Variants in NFKBIA observed in about 807,000 individuals in gnomAD.
NFKBIA encodes NF-kappa-B inhibitor alpha.
NFKBIA carries 10 observed loss-of-function variants against 36.3 expected under a neutral mutation model. The ratio of observed to expected loss-of-function variants is 0.28; its 90% CI spans 0.17 to 0.47. The LOEUF is 0.47. Among genes scored for constraint, NFKBIA ranks in the 20% least tolerant of loss-of-function variants. The pLI is 0.99. For synonymous variants in NFKBIA, 205 were observed against 164.4 expected (o/e 1.25, Z -1.89); for missense variants, 355 against 399.3 (o/e 0.89, Z 0.94).
intron 1 of NFKBIA, 68 bp downstream of exon 1, chr14:35,404,350 C>T: frequency 8.4e-7 from 1 of 1,188,282 alleles, no homozygotes; most frequent in Non-Finnish European, 1.1e-6. Context: ...GGCCCGGCGC[C>T]TCCCACCCCC....
Position 35,403,377 on chromosome 14 carries a change from G to A in NFKBIA, c.337-17C>T. 6.2e-7 allele frequency: 1 copy of A among 1,613,464 alleles called. No homozygotes were observed. Among genetic ancestry groups the A allele is most frequent in the African/African-American group, 1.3e-5 (1 of 75,004 alleles). On this transcript the variant is annotated splice_polypyrimidine_tract_variant and intron_variant, in intron 2 of 5. Transcript: ENST00000216797. ...GAGTGGAGTCTACGAATGCAAGAGA[G>A]ACCAGAGAAAGTAAGCCATGGACCA...
At chr14:35,404,273 G>T in intron 1 of NFKBIA, 145 bp downstream of exon 1, 1 of 482,772 alleles carries the variant, frequency 2.1e-6, no homozygotes, top group Non-Finnish European at 3.2e-6. Flanking sequence ...GTTCGGGGCG[G>T]TGCAGGAGCC....
intron 2 of NFKBIA, 105 bp from the exon 3 acceptor site, chr14:35,403,465 G>T: frequency 7.9e-7 from 1 of 1,273,058 alleles, no homozygotes; most frequent in Non-Finnish European, 1.1e-6. Flanking sequence ...CTCCTAGACA[G>T]GGGGGTGGGG....
Position 35,403,783 on chromosome 14 carries a change from G to A in NFKBIA, c.243C>T (p.Ala81=), listed in dbSNP as rs2233412. 2,669 of 1,613,646 alleles carry A rather than the reference G, an allele frequency of 1.7e-3. 35 individuals are homozygous for A. The African/African-American group carries it at 0.029, about 17-fold the overall frequency. Residue 81 remains alanine (A), a synonymous_variant, in exon 2 of 6, where the codon GCC becomes GCT. Coordinates refer to ENST00000216797, the MANE Select transcript of NFKBIA (RefSeq NM_020529.3). ...TEDGDSFLHL[A]IIHEEKALTM... ...TCAGTGCCTTTTCTTCATGGATGATGGCCAAGTGCAGGAACCTGTGGGGAA... is the reference window on the plus strand; with the variant it reads ...TCAGTGCCTTTTCTTCATGGATGATAGCCAAGTGCAGGAACCTGTGGGGAA...
At chr14:35,402,998 C>A in intron 3 of NFKBIA, 139 bp from the exon 4 acceptor site, 1 of 1,216,616 alleles carries the variant, frequency 8.2e-7, no homozygotes, top group South Asian at 1.3e-5. Flanking sequence ...TTTATAAAGG[C>A]ATCCAATAGG....
At chr14:35,402,284 G>C (rs1594426173) in intron 5 of NFKBIA, 110 bp downstream of exon 5, 2 of 1,382,000 alleles carry the variant, frequency 1.4e-6, no homozygotes, top group Non-Finnish European at 2.1e-6. Flanking sequence ...AGAAATTTGA[G>C]AGACTCATTA....
At chr14:35,402,906 AC>A in intron 3 of NFKBIA, 47 bp from the exon 4 acceptor site, 1 of 1,531,300 alleles carries the variant, frequency 6.5e-7, no homozygotes, top group Non-Finnish European at 9.0e-7. Context: ...TTCAACCCTC[AC>A]TCCTTTCACC....
intron 2 of NFKBIA, 26 bp downstream of exon 2, chr14:35,403,664 G>C (rs766136228): frequency 1.5e-5 from 23 of 1,552,016 alleles, no homozygotes; most frequent in Non-Finnish European, 2.0e-5. Context: ...GGGTCAGAGA[G>C]AACCCGGGCC....
At position 35,404,696 on chromosome 14, in the gene NFKBIA, G is replaced by A. The variant is rs2138834612; in HGVS notation, c.-52C>T. On this transcript the variant is annotated 5_prime_UTR_variant, in exon 1 of 6. Coordinates refer to ENST00000216797, the MANE Select transcript of NFKBIA (RefSeq NM_020529.3). The stretch of plus-strand genomic sequence containing the variant: ...GCGGGTGCGCTGGGCCGCGGGCTGC[G>A]CGCTGCTTCCTCGCTGGGGCGCTGG... 1.6e-6 allele frequency: 2 copies of A among 1,274,152 alleles called. No homozygotes were observed. The highest frequency in any genetic ancestry group is 2.0e-6 in the Non-Finnish European group (2 of 991,218). 78.9% of individuals were successfully genotyped at this position (1,274,152 alleles called of 1,614,324 possible). A position where few individuals can be genotyped will look rare whatever the true frequency, so the allele number is the denominator to read the frequency against.
intron 2 of NFKBIA, 117 bp from the exon 3 acceptor site, chr14:35,403,477 G>T: frequency 8.5e-7 from 1 of 1,171,636 alleles, no homozygotes; most frequent in Non-Finnish European, 1.3e-6. Context: ...GGGGTGGGGA[G>T]GGCTGGCAAA....
chr14:35,402,502 C>T lies in NFKBIA; in HGVS notation c.798G>A (p.Gln266=), dbSNP rs2138830537. Residue 266 remains glutamine, a synonymous_variant, in exon 5 of 6, where the codon CAG becomes CAA. Transcript: ENST00000216797. ...CTAGTGTCAGCTGGCCCAGCTGCTG[C>T]TGTATCCGGGTGCTTGGGCGGCCCC... The part of the protein sequence containing the change: ...LTWGRPSTRI[Q]QQLGQLTLEN... 1.2e-6 allele frequency: 2 copies of T among 1,614,216 alleles called. No homozygotes were observed. Among genetic ancestry groups the T allele is most frequent in the African/African-American group, 2.7e-5 (2 of 75,056 alleles).
chr14:35,402,288 C>G (rs1262379836), intron 5 of NFKBIA, 106 bp downstream of exon 5: 1 of 1,393,624 alleles, frequency 7.2e-7, no homozygotes, highest in Non-Finnish European at 1.0e-6. Flanking sequence ...ATTTGAGAGA[C>G]TCATTATGTA....
chr14:35,403,420 C>T, intron 2 of NFKBIA, 60 bp from the exon 3 acceptor site: 1 of 1,571,290 alleles, frequency 6.4e-7, no homozygotes, highest in South Asian at 1.1e-5. Flanking sequence ...ACCCCGAGTT[C>T]CCCTCAACCC....
rs1043899744 is a variant in NFKBIA at position 35,404,723 on chromosome 14, G to A, written c.-79C>T. 11 of 1,049,248 alleles carry A rather than the reference G, an allele frequency of 1.0e-5. No homozygotes were observed. The highest frequency in any genetic ancestry group is 1.1e-5 in the Non-Finnish European group (9 of 799,350). The allele number at this position is 1,049,248 out of a possible 1,614,324, so 65.0% of individuals were successfully genotyped here. A position where few individuals can be genotyped will look rare whatever the true frequency, so the allele number is the denominator to read the frequency against. ...GCTGCTTCCTCGCTGGGGCGCTGGC[G>A]GGCGGGACGGCGGCACGGACTGCTG... On this transcript the variant is annotated 5_prime_UTR_variant, in exon 1 of 6. Coordinates refer to ENST00000216797, the MANE Select transcript of NFKBIA (RefSeq NM_020529.3).
intron 5 of NFKBIA, among the ~76,000 whole-genome samples, 159 bp downstream of exon 5, chr14:35,402,235 A>AGTAAGCTATTAAAAAAGGGGGGG (rs70937092): frequency 1.3e-5 from 2 of 148,824 alleles, no homozygotes; most frequent in African/African-American, 5.1e-5. Context: ...TTAAAAAAAG[A>AGTAAGCTATTAAAAAAGGGGGGG]GGGGGGGCAG....
In NFKBIA at chr14:35,404,699, C is replaced by A; in HGVS notation, c.-55G>T. On this transcript the variant is annotated 5_prime_UTR_variant, in exon 1 of 6. Coordinates refer to ENST00000216797, the MANE Select transcript of NFKBIA (RefSeq NM_020529.3). ...GGTGCGCTGGGCCGCGGGCTGCGCG[C>A]TGCTTCCTCGCTGGGGCGCTGGCGG... The A allele has an allele frequency of 7.9e-7, 1 of 1,260,732 alleles. No individual in the cohort carries two copies. 78.1% of individuals were successfully genotyped at this position (1,260,732 alleles called of 1,614,324 possible).
At position 35,401,787 on chromosome 14, in the gene NFKBIA, A is replaced by T. The variant is rs2052728292; in HGVS notation, c.*226T>A. On this transcript the variant is annotated 3_prime_UTR_variant, in exon 6 of 6. Coordinates refer to ENST00000216797, the MANE Select transcript of NFKBIA (RefSeq NM_020529.3). ...ACCCCACAAAGGTGAGGTTTAAAAGAAGTTTTCTCAGAATTTCAATGATCT... is the reference window on the plus strand; with the variant it reads ...ACCCCACAAAGGTGAGGTTTAAAAGTAGTTTTCTCAGAATTTCAATGATCT... 8.5e-6 allele frequency: 5 copies of T among 585,140 alleles called. No individual in the cohort carries two copies. In the South Asian group the frequency reaches 1.1e-4, roughly 13 times the overall value. 36.2% of individuals were successfully genotyped at this position (585,140 alleles called of 1,614,324 possible).
At position 35,401,943 on chromosome 14, in the gene NFKBIA, T is replaced by A; in HGVS notation, c.*70A>T. The A allele has an allele frequency of 1.3e-6, 2 of 1,575,274 alleles. No homozygotes were observed. Among genetic ancestry groups the A allele is most frequent in the Non-Finnish European group, 1.7e-6 (2 of 1,148,226 alleles). On this transcript the variant is annotated 3_prime_UTR_variant, in exon 6 of 6. Coordinates refer to ENST00000216797, the MANE Select transcript of NFKBIA (RefSeq NM_020529.3). ...CCTTTAAATTTTTTCTTCTTTTTTC[T>A]TTTTTTAGAAAAATAAAACTTTTTT... is the stretch of plus-strand genomic sequence containing the variant.
At chr14:35,403,651 C>T in intron 2 of NFKBIA, 39 bp downstream of exon 2, 1 of 1,456,058 alleles carries the variant, frequency 6.9e-7, no homozygotes, top group Non-Finnish European at 9.6e-7. Context: ...CAGCTACGTC[C>T]CAGGGTCAGA....
Sources: allele counts gnomAD v4.1 joint callset (sites outside exome capture counted in the v4.1 genomes callset), GRCh38; gene constraint gnomAD v4.1.1; transcripts MANE v1.5; gene names NCBI Gene and HGNC (gene_info 2026-07-23, HGNC 2026-07-21).